The following TNPO1 variants were observed in gnomAD, a reference collection of about 807,000 sequenced individuals.
TNPO1 encodes transportin-1.
Under a neutral mutation model 119.5 loss-of-function variants are expected in TNPO1, and 8 were observed. The ratio of observed to expected loss-of-function variants is 0.07; its 90% CI spans 0.04 to 0.12. The LOEUF (loss-of-function observed/expected upper bound fraction) is 0.12, where lower values mean the gene tolerates loss of function less well. Among genes scored for constraint, TNPO1 ranks in the 10% least tolerant of loss-of-function variants. The probability of loss-of-function intolerance (pLI) is 1.00; values close to 1 mark genes in which losing one functional copy is unlikely to be tolerated. For synonymous variants in TNPO1, 362 were observed against 363.0 expected (o/e 1.00, Z 0.03); for missense variants, 576 against 1,089.8 (o/e 0.53, Z 6.64).
intron 1 of TNPO1, chr5:72,825,668 CAG>C: frequency 6.6e-6 from 1 of 152,488 alleles, no homozygotes; most frequent in East Asian, 1.9e-4. Context: ...GCCTGGGTGA[CAG>C]GGTGAGACTC....
chr5:72,879,477 T>C (rs1307405596), intron 9 of TNPO1, among the ~76,000 whole-genome samples: 1 of 152,202 alleles, frequency 6.6e-6, no homozygotes, highest in African/African-American at 2.4e-5. Context: ...CTGTGCTAAT[T>C]AGTGCCAACA....
At chr5:72,904,288 T>G (rs1470621870) in intron 23 of TNPO1, among the ~76,000 whole-genome samples, 1 of 152,232 alleles carries the variant, frequency 6.6e-6, no homozygotes, top group Non-Finnish European at 1.5e-5. Context: ...CTTGTGTATT[T>G]GCAGTTTGAA....
At chr5:72,896,309 C>G (rs1749423383) in intron 18 of TNPO1, 149 bp from the exon 19 acceptor site, 1 of 476,346 alleles carries the variant, frequency 2.1e-6, no homozygotes, top group Non-Finnish European at 3.8e-6. Flanking sequence ...TTATTTCCAC[C>G]AATTTTAAAA....
intron 1 of TNPO1, among the ~76,000 whole-genome samples, chr5:72,827,768 A>G (rs972698542): frequency 4.0e-5 from 6 of 151,744 alleles, no homozygotes; most frequent in Non-Finnish European, 7.4e-5. Context: ...TTTTTTTTTT[A>G]AATTAGCTGG....
In TNPO1 at chr5:72,908,928, G is replaced by A. The variant is rs756934142; in HGVS notation, c.*255G>A. ...GAAATATGTCTCCAGTTACAACTCC[G>A]CAGTGGATGTGAAGAAGCAAAAAAA... On this transcript the variant is annotated 3_prime_UTR_variant, in exon 25 of 25. Transcript: ENST00000337273. The A allele has an allele frequency of 1.1e-5, 5 of 450,824 alleles. No homozygotes were observed. Among genetic ancestry groups the A allele is most frequent in the East Asian group, 7.0e-5 (1 of 14,196 alleles). The allele number at this position is 450,824 out of a possible 1,614,324, so 27.9% of individuals were successfully genotyped here.
At position 72,914,069 on chromosome 5, in the gene TNPO1, A is replaced by C. The variant is rs1394653797; in HGVS notation, c.*5396A>C. The C allele has an allele frequency of 1.3e-5, 2 of 152,574 alleles. No homozygotes were observed. The highest frequency in any genetic ancestry group is 2.4e-5 in the African/African-American group (1 of 41,464). The allele number at this position is 152,574 out of a possible 1,614,324, so 9.5% of individuals were successfully genotyped here. A position where few individuals can be genotyped will look rare whatever the true frequency, so the allele number is the denominator to read the frequency against. On this transcript the variant is annotated 3_prime_UTR_variant, in exon 25 of 25. Transcript: ENST00000337273. ...GTTATGCTTAAAAGCTTTAAATCTG[A>C]TGTTTCCTGTACCTGCCACACTATG...
intron 6 of TNPO1, among the ~76,000 whole-genome samples, chr5:72,866,202 C>T (rs1746885248): frequency 6.6e-6 from 1 of 152,154 alleles, no homozygotes; most frequent in African/African-American, 2.4e-5. Flanking sequence ...CCTCTCCCTC[C>T]CTCTTCTTAT....
At chr5:72,817,763 G>C (rs1166374144) in intron 1 of TNPO1, among the ~76,000 whole-genome samples, 1 of 152,186 alleles carries the variant, frequency 6.6e-6, no homozygotes, top group Non-Finnish European at 1.5e-5. Context: ...ATAGGTGTTT[G>C]GAAATGAAGG....
At chr5:72,900,662 A>G (rs192218757) in intron 21 of TNPO1, among the ~76,000 whole-genome samples, 1 of 152,290 alleles carries the variant, frequency 6.6e-6, no homozygotes, top group Admixed American at 6.5e-5. Context: ...TACAATTTTA[A>G]AAGTTAATTT....
At chr5:72,869,739 A>C (rs1032441996) in intron 6 of TNPO1, among the ~76,000 whole-genome samples, 1 of 152,238 alleles carries the variant, frequency 6.6e-6, no homozygotes, top group Non-Finnish European at 1.5e-5. Context: ...CTTATAATCT[A>C]TAAGGAAGAG....
chr5:72,895,887 T>G (rs1345166739), intron 18 of TNPO1, among the ~76,000 whole-genome samples: 1 of 152,232 alleles, frequency 6.6e-6, no homozygotes, highest in Non-Finnish European at 1.5e-5. Context: ...TAGTGTGACT[T>G]CATGATGTTC....
intron 12 of TNPO1, among the ~76,000 whole-genome samples, chr5:72,887,837 A>G (rs933083303): frequency 1.3e-5 from 2 of 152,216 alleles, no homozygotes; most frequent in East Asian, 1.9e-4. Flanking sequence ...ATGAAGGGTT[A>G]TTATTGATTT....
rs906988004 is a variant in TNPO1 at position 72,851,603 on chromosome 5, A to G, written c.205+284A>G. ...TGCCTCCCGGGTTCAAGCAATGCTC[A>G]TGCCAAACCTCCCTAGTAGCCGGGA... is the stretch of plus-strand genomic sequence containing the variant. On this transcript the variant is annotated intron_variant, in intron 3 of 24. Transcript: ENST00000337273. Among the ~76,000 whole-genome samples, 8 of 152,134 alleles carry G rather than the reference A, an allele frequency of 5.3e-5. No individual in the cohort carries two copies. In the East Asian group the frequency reaches 1.3e-3, roughly 26 times the overall value.
At chr5:72,892,975 C>T (rs62360683) in intron 15 of TNPO1, among the ~76,000 whole-genome samples, 164 bp from the exon 16 acceptor site, 17,454 of 122,542 alleles carry the variant, frequency 0.14, 1,233 homozygotes, top group Middle Eastern at 0.27. Flanking sequence ...CAATGAATGG[C>T]TTCCAAAAGA....
At position 72,906,275 on chromosome 5, in the gene TNPO1, C is replaced by CTTTTTTTTTTTTTTTT. The variant is rs869051297; in HGVS notation, c.*35+853_*35+868dup. 9.1e-4 allele frequency among the ~76,000 whole-genome samples: 50 copies of CTTTTTTTTTTTTTTTT among 54,696 alleles called. 12 individuals are homozygous for CTTTTTTTTTTTTTTTT. The highest frequency in any genetic ancestry group is 2.4e-3 in the African/African-American group (35 of 14,698). 35.9% of individuals were successfully genotyped at this position (54,696 alleles called of 152,430 possible). A position where few individuals can be genotyped will look rare whatever the true frequency, so the allele number is the denominator to read the frequency against. On this transcript the variant is annotated intron_variant, in intron 24 of 24. Coordinates refer to ENST00000337273, the MANE Select transcript of TNPO1 (RefSeq NM_002270.4). Reference sequence around the variant, plus strand: ...CCATGTGCCCATCACTTTTTTTTTTCTTTTTTTTTTTTTTTTTTTTTTTTT... The same window carrying CTTTTTTTTTTTTTTTT: ...CCATGTGCCCATCACTTTTTTTTTTCTTTTTTTTTTTTTTTTTTTTTTTTTTTTTTTTTTTTTTTTT...
At chr5:72,821,357 G>A (rs566177968) in intron 1 of TNPO1, among the ~76,000 whole-genome samples, 45 of 152,050 alleles carry the variant, frequency 3.0e-4, no homozygotes, top group Middle Eastern at 3.4e-3. Flanking sequence ...TACTAAGAAA[G>A]GAATTAAGGA....
intron 24 of TNPO1, among the ~76,000 whole-genome samples, chr5:72,907,949 G>T (rs1263757161): frequency 6.6e-6 from 1 of 151,936 alleles, no homozygotes; most frequent in Non-Finnish European, 1.5e-5. Context: ...AGCTACTCAG[G>T]AGACTGGGCA....
At chr5:72,846,182 G>A (rs952923444) in intron 1 of TNPO1, among the ~76,000 whole-genome samples, 1 of 152,190 alleles carries the variant, frequency 6.6e-6, no homozygotes, top group Non-Finnish European at 1.5e-5. Context: ...CCACCAGGTT[G>A]CCACTATTAT....
intron 7 of TNPO1, among the ~76,000 whole-genome samples, chr5:72,874,241 G>T (rs1483134955): frequency 6.6e-6 from 1 of 152,066 alleles, no homozygotes; most frequent in Non-Finnish European, 1.5e-5. Flanking sequence ...CATATAGTAG[G>T]CCCTCAATAG....
Sources: allele counts gnomAD v4.1 joint callset (sites outside exome capture counted in the v4.1 genomes callset), GRCh38; gene constraint gnomAD v4.1.1; transcripts MANE v1.5; gene names NCBI Gene and HGNC (gene_info 2026-07-23, HGNC 2026-07-21).